The following TOGARAM2 variants were observed in gnomAD, a reference collection of about 807,000 sequenced individuals.
The protein encoded by TOGARAM2 is TOG array regulator of axonemal microtubules 2.
Under a neutral mutation model 93.3 loss-of-function variants are expected in TOGARAM2, and 85 were observed. The ratio of observed to expected loss-of-function variants is 0.91; its 90% CI spans 0.76 to 1.09. The LOEUF is 1.09. Ranked by LOEUF, TOGARAM2 falls within the 50% of genes least tolerant of loss-of-function variation. TOGARAM2 has a pLI of 0.00. For missense variants in TOGARAM2, 1,277 were observed against 1,334.5 expected (o/e 0.96, Z 0.67); for synonymous variants, 593 against 552.8 (o/e 1.07, Z -1.02).
chr2:29,016,559 T>A (rs1664582978), intron 8 of TOGARAM2, among the ~76,000 whole-genome samples: 1 of 152,194 alleles, frequency 6.6e-6, no homozygotes, highest in South Asian at 2.1e-4. Flanking sequence ...AAACAACACT[T>A]AGAGACAGCC....
At chr2:29,024,634 G>T (rs1443000889) in intron 13 of TOGARAM2, among the ~76,000 whole-genome samples, 1 of 152,182 alleles carries the variant, frequency 6.6e-6, no homozygotes, top group Admixed American at 6.5e-5. Context: ...GCTTCCCTGT[G>T]CCGGGCATCC....
intron 1 of TOGARAM2, among the ~76,000 whole-genome samples, chr2:28,972,224 G>C (rs3936096): frequency 0.67 from 102,333 of 152,028 alleles, 35,047 homozygotes; most frequent in Admixed American, 0.74. Context: ...GAGTAACTGG[G>C]ATTATAGGCA....
At chr2:29,044,260 A>G (rs568798585) in intron 18 of TOGARAM2, among the ~76,000 whole-genome samples, 1 of 152,192 alleles carries the variant, frequency 6.6e-6, no homozygotes, top group Non-Finnish European at 1.5e-5. Flanking sequence ...CCCGAAAGGC[A>G]TATTGGGGCA....
intron 1 of TOGARAM2, among the ~76,000 whole-genome samples, chr2:28,991,027 TG>T (rs1236053489): frequency 0.013 from 2,031 of 150,668 alleles, 54 homozygotes; most frequent in African/African-American, 0.044. Context: ...TGTGTGTGTG[TG>T]TGTGTGTGTG....
chr2:29,009,703 C>T (rs1019929921), intron 6 of TOGARAM2, among the ~76,000 whole-genome samples: 10 of 152,106 alleles, frequency 6.6e-5, no homozygotes, highest in African/African-American at 2.4e-4. Flanking sequence ...GTGCTGAGGC[C>T]ACTCTTGGAC....
At chr2:29,045,092 A>G (rs1280368920) in intron 18 of TOGARAM2, among the ~76,000 whole-genome samples, 1 of 152,238 alleles carries the variant, frequency 6.6e-6, no homozygotes, top group African/African-American at 2.4e-5. Context: ...ATCTGTGGGA[A>G]TAAATGAGGC....
At chr2:28,977,692 C>T (rs1318925393), upstream of TOGARAM2, among the ~76,000 whole-genome samples, 1 of 152,148 alleles carries the variant, frequency 6.6e-6, no homozygotes, top group Non-Finnish European at 1.5e-5. Flanking sequence ...AATCCTGCCC[C>T]CAAGGAGCTC....
chr2:28,994,160 G>T (rs546492171), intron 1 of TOGARAM2, among the ~76,000 whole-genome samples: 21 of 152,206 alleles, frequency 1.4e-4, no homozygotes, highest in Non-Finnish European at 2.4e-4. Flanking sequence ...GGGCTGGAGG[G>T]ATCAAGGTGT....
intron 1 of TOGARAM2, among the ~76,000 whole-genome samples, chr2:28,984,956 G>C (rs912118976): frequency 6.6e-6 from 1 of 152,246 alleles, no homozygotes; most frequent in Non-Finnish European, 1.5e-5. Flanking sequence ...CCAGCTGGCA[G>C]CCAGTGTGAT....
intron 11 of TOGARAM2, 49 bp downstream of exon 11, chr2:29,022,357 C>T (rs1188712183): frequency 1.2e-6 from 2 of 1,601,876 alleles, no homozygotes; most frequent in African/African-American, 2.7e-5. Flanking sequence ...GAAGCAGGGG[C>T]TGTTGCAGAA....
chr2:28,974,311 A>G (rs1479586305), intron 1 of TOGARAM2, among the ~76,000 whole-genome samples: 1 of 151,828 alleles, frequency 6.6e-6, no homozygotes, highest in Non-Finnish European at 1.5e-5. Flanking sequence ...TGTTTTCAGT[A>G]GAAACAGGGT....
chr2:29,006,034 G>A (rs1405908053), intron 6 of TOGARAM2, among the ~76,000 whole-genome samples: 7 of 136,310 alleles, frequency 5.1e-5, no homozygotes, highest in Non-Finnish European at 1.1e-4. Flanking sequence ...CCATATGTAT[G>A]TGAGTGCATG....
At chr2:29,045,433 C>T (rs773089653) in intron 19 of TOGARAM2, 23 bp downstream of exon 19, 63 of 1,597,570 alleles carry the variant, frequency 3.9e-5, no homozygotes, top group Non-Finnish European at 5.1e-5. Flanking sequence ...AGCCCCACCC[C>T]ACCCCATCTC....
chr2:29,036,568 C>T lies in TOGARAM2; in HGVS notation c.2446C>T (p.Gln816Ter), dbSNP rs1666124600. 6.2e-7 allele frequency: 1 copy of T among 1,613,874 alleles called. No individual in the cohort carries two copies. The highest frequency in any genetic ancestry group is 8.5e-7 in the Non-Finnish European group (1 of 1,179,906). The change falls in exon 18 of 20, where the codon CAG (glutamine) becomes TAG (stop). Residue 816 changes from glutamine (Q) to a stop codon, truncating the protein, a stop_gained. Transcript: ENST00000379558. LOFTEE classifies it high-confidence loss of function. Reference protein sequence around the residue: ...QVFDAFTPRLQDSNKKVNQWA... With the variant: ...QVFDAFTPRL ...CTTTGATGCTTTCACCCCAAGGCTT[C>T]AGGATTCCAACAAGAAAGTGAACCA... is the stretch of plus-strand genomic sequence containing the variant.
In TOGARAM2 at chr2:28,989,248, G is replaced by A. The variant is rs560551826; in HGVS notation, c.-110-5477G>A. 7.2e-5 allele frequency among the ~76,000 whole-genome samples: 11 copies of A among 152,110 alleles called. No homozygotes were observed. The East Asian group carries it at 1.9e-3, about 27-fold the overall frequency. On this transcript the variant is annotated intron_variant, in intron 1 of 19. Coordinates refer to ENST00000379558, the MANE Select transcript of TOGARAM2 (RefSeq NM_199280.4). ...TATTTTTTGGTAGAGATGGGGTTTT[G>A]CCATGTTGGCCAGGCTGGTCTCTAA...
chr2:29,022,804 G>T (rs1359130757), intron 11 of TOGARAM2, among the ~76,000 whole-genome samples: 2 of 152,204 alleles, frequency 1.3e-5, no homozygotes, highest in African/African-American at 4.8e-5. Flanking sequence ...TGTTGGCTTT[G>T]TGTCAAGGAC....
intron 2 of TOGARAM2, among the ~76,000 whole-genome samples, chr2:28,995,586 A>G (rs190119859): frequency 5.3e-5 from 8 of 152,380 alleles, no homozygotes; most frequent in African/African-American, 1.9e-4. Flanking sequence ...TCCCACCTGA[A>G]TGTAGATTCC....
chr2:28,971,297 A>C (rs1410837685), intron 1 of TOGARAM2, among the ~76,000 whole-genome samples: 4 of 151,804 alleles, frequency 2.6e-5, no homozygotes, highest in African/African-American at 9.7e-5. Flanking sequence ...CTGCAGCCTC[A>C]ACCTCCCAGG....
At chr2:29,030,134 G>C (rs545661407) in intron 14 of TOGARAM2, among the ~76,000 whole-genome samples, 1 of 152,150 alleles carries the variant, frequency 6.6e-6, no homozygotes, top group African/African-American at 2.4e-5. Flanking sequence ...ATATTAGCCG[G>C]GCATGGTAGC....
Sources: allele counts gnomAD v4.1 joint callset (sites outside exome capture counted in the v4.1 genomes callset), GRCh38; gene constraint gnomAD v4.1.1; transcripts MANE v1.5; gene names NCBI Gene and HGNC (gene_info 2026-07-23, HGNC 2026-07-21).